IQCM: variants seen among roughly 807,000 people sequenced by gnomAD.
The protein encoded by IQCM is IQ domain-containing protein M.
IQCM carries 45 observed loss-of-function variants against 57.6 expected under a neutral mutation model. The observed-to-expected ratio is 0.78, with a 90% CI of 0.62 to 1.00. The LOEUF (loss-of-function observed/expected upper bound fraction) is 1.00, where lower values mean the gene tolerates loss of function less well. IQCM is among the 50% of genes least tolerant of loss of function. IQCM has a pLI of 0.00. For missense variants in IQCM, 468 were observed against 511.6 expected (o/e 0.91, Z 0.82); for synonymous variants, 148 against 158.9 (o/e 0.93, Z 0.51).
chr4:149,591,028 C>CCAGGG (rs1561030010), intron 8 of IQCM, among the ~76,000 whole-genome samples: 1 of 152,004 alleles, frequency 6.6e-6, no homozygotes, highest in Non-Finnish European at 1.5e-5. Flanking sequence ...ATATGTAAGT[C>CCAGGG]ATTTATTAAA....
intron 12 of IQCM, among the ~76,000 whole-genome samples, chr4:149,440,502 C>T (rs1002328455): frequency 1.3e-5 from 2 of 152,084 alleles, no homozygotes; most frequent in South Asian, 2.1e-4. Context: ...CTATTTAAAT[C>T]CCTAAGAAAA....
chr4:149,436,989 G>A (rs1283540744), intron 12 of IQCM, among the ~76,000 whole-genome samples: 1 of 152,090 alleles, frequency 6.6e-6, no homozygotes, highest in Non-Finnish European at 1.5e-5. Context: ...ACAATCCTAT[G>A]AGGTCAATAT....
At chr4:149,564,944 C>A (rs565425221) in intron 9 of IQCM, among the ~76,000 whole-genome samples, 2 of 152,168 alleles carry the variant, frequency 1.3e-5, no homozygotes, top group African/African-American at 2.4e-5. Flanking sequence ...ATCTTGGTAA[C>A]CTTGTGTCAG....
intron 13 of IQCM, among the ~76,000 whole-genome samples, chr4:149,397,575 G>A (rs1169685022): frequency 6.6e-6 from 1 of 151,952 alleles, no homozygotes; most frequent in Admixed American, 6.6e-5. Context: ...TGCCATGATT[G>A]TAAGTTTCCT....
chr4:149,363,379 G>A (rs1729622870), intron 13 of IQCM, among the ~76,000 whole-genome samples: 1 of 152,184 alleles, frequency 6.6e-6, no homozygotes, highest in Admixed American at 6.5e-5. Context: ...CCATGTTGCA[G>A]TCTAGAATGA....
At chr4:149,591,028 C>A (rs1013560689) in intron 8 of IQCM, among the ~76,000 whole-genome samples, 1 of 152,004 alleles carries the variant, frequency 6.6e-6, no homozygotes, top group Non-Finnish European at 1.5e-5. Flanking sequence ...ATATGTAAGT[C>A]ATTTATTAAA....
intron 13 of IQCM, among the ~76,000 whole-genome samples, chr4:149,403,049 G>A (rs925646674): frequency 6.6e-6 from 1 of 151,884 alleles, no homozygotes; most frequent in Non-Finnish European, 1.5e-5. Context: ...ATCCTCAGAT[G>A]TCATTCGTAT....
intron 8 of IQCM, among the ~76,000 whole-genome samples, chr4:149,615,557 A>AGCACTTCT: frequency 6.6e-6 from 1 of 152,330 alleles, no homozygotes; most frequent in African/African-American, 2.4e-5. Flanking sequence ...AAACGTTTAA[A>AGCACTTCT]GCATAAAGAC....
At chr4:149,567,795 G>A (rs2149950222) in intron 9 of IQCM, among the ~76,000 whole-genome samples, 1 of 152,220 alleles carries the variant, frequency 6.6e-6, no homozygotes, top group Admixed American at 6.5e-5. Flanking sequence ...GACAAGGTAT[G>A]TCTTGTGTGG....
At chr4:149,770,267 A>G (rs1337196468) in intron 2 of IQCM, among the ~76,000 whole-genome samples, 1 of 152,116 alleles carries the variant, frequency 6.6e-6, no homozygotes, top group Non-Finnish European at 1.5e-5. Flanking sequence ...CTCAAGAAGA[A>G]ACAGATAACC....
intron 12 of IQCM, among the ~76,000 whole-genome samples, chr4:149,511,247 G>A (rs1051941008): frequency 2.0e-5 from 3 of 152,000 alleles, no homozygotes; most frequent in Admixed American, 6.6e-5. Context: ...GGCTGGGCAC[G>A]TTAGCTCATG....
At chr4:149,602,202 TA>T (rs1754378706) in intron 8 of IQCM, among the ~76,000 whole-genome samples, 2 of 152,136 alleles carry the variant, frequency 1.3e-5, no homozygotes, top group African/African-American at 4.8e-5. Flanking sequence ...ATGTAAAGTA[TA>T]GGGGAGGGCT....
intron 12 of IQCM, among the ~76,000 whole-genome samples, chr4:149,513,871 G>T (rs1385014877): frequency 6.6e-6 from 1 of 152,074 alleles, no homozygotes; most frequent in Non-Finnish European, 1.5e-5. Context: ...ATTAAAGCAT[G>T]CCAAGTTTAT....
intron 11 of IQCM, among the ~76,000 whole-genome samples, chr4:149,549,638 C>A (rs1748832515): frequency 6.6e-6 from 1 of 152,152 alleles, no homozygotes; most frequent in African/African-American, 2.4e-5. Flanking sequence ...ACATTTAACC[C>A]CATGAATTGT....
intron 5 of IQCM, among the ~76,000 whole-genome samples, chr4:149,717,574 A>C (rs1285724060): frequency 2.0e-5 from 3 of 152,316 alleles, no homozygotes; most frequent in South Asian, 2.1e-4. Context: ...AGAAAACTAA[A>C]ATCTTAATAA....
At chr4:149,584,032 C>T (rs1041638944) in intron 9 of IQCM, among the ~76,000 whole-genome samples, 2 of 151,410 alleles carry the variant, frequency 1.3e-5, no homozygotes, top group Non-Finnish European at 1.5e-5. Context: ...GTACACATTA[C>T]ATTTATTTAA....
At chr4:149,423,067 G>A (rs1167251182) in intron 13 of IQCM, among the ~76,000 whole-genome samples, 1 of 151,948 alleles carries the variant, frequency 6.6e-6, no homozygotes. Context: ...CATTATTTTA[G>A]AAGGGCTGGT....
intron 12 of IQCM, among the ~76,000 whole-genome samples, chr4:149,531,658 C>A (rs1746761019): frequency 6.6e-6 from 1 of 152,048 alleles, no homozygotes; most frequent in East Asian, 1.9e-4. Context: ...TTATCACCAG[C>A]AACTGTTATA....
chr4:149,486,308 C>G (rs948125246), intron 12 of IQCM, among the ~76,000 whole-genome samples: 6 of 152,050 alleles, frequency 3.9e-5, no homozygotes, highest in Admixed American at 6.6e-5. Flanking sequence ...TAGCATTTTA[C>G]TTGACATTCT....
Sources: gnomAD v4.1 joint callset for allele counts (sites outside exome capture counted in the v4.1 genomes callset) on GRCh38, gnomAD v4.1.1 for gene constraint, MANE v1.5 for transcripts, NCBI Gene and HGNC (gene_info 2026-07-23, HGNC 2026-07-21) for gene names.